PREPL: variants seen among roughly 807,000 people sequenced by gnomAD.
PREPL encodes prolyl endopeptidase like, also known as prolyl endopeptidase-like.
Under a neutral mutation model 70.6 loss-of-function variants are expected in PREPL, and 77 were observed. The observed-to-expected ratio is 1.09, with a 90% CI of 0.91 to 1.32. The LOEUF is 1.32. Among genes scored for constraint, PREPL ranks in the 40% most tolerant of loss-of-function variants. The probability of loss-of-function intolerance (pLI) is 0.00; values close to 1 mark genes in which losing one functional copy is unlikely to be tolerated. For synonymous variants in PREPL, 315 were observed against 264.8 expected (o/e 1.19, Z -1.84); for missense variants, 1,002 against 778.2 (o/e 1.29, Z -3.42).
intron 9 of PREPL, among the ~76,000 whole-genome samples, chr2:44,328,416 G>A (rs112512570): frequency 0.059 from 4,488 of 76,066 alleles, 244 homozygotes; most frequent in African/African-American, 0.18. Flanking sequence ...CAGCCTGGGC[G>A]ACAAAGCAAA....
At chr2:44,336,484 T>C (rs567446461) in intron 7 of PREPL, among the ~76,000 whole-genome samples, 8 of 152,134 alleles carry the variant, frequency 5.3e-5, no homozygotes, top group South Asian at 2.1e-4. Context: ...GAGCTAAACA[T>C]TGTGTCCACA....
intron 7 of PREPL, 56 bp downstream of exon 7, chr2:44,338,295 G>T (rs1022783229): frequency 6.2e-6 from 9 of 1,456,674 alleles, no homozygotes; most frequent in Non-Finnish European, 8.4e-6. Flanking sequence ...GTTCTGTTAA[G>T]CTAAACTGCA....
chr2:44,351,924 C>A (rs1676482778), intron 1 of PREPL, among the ~76,000 whole-genome samples: 2 of 152,204 alleles, frequency 1.3e-5, no homozygotes. Flanking sequence ...TTACAATGGT[C>A]TACAAAGTCC....
upstream of PREPL, chr2:44,361,706 C>A: frequency 2.7e-6 from 1 of 364,234 alleles, no homozygotes; most frequent in Non-Finnish European, 4.9e-6. Context: ...CGAGATGAAG[C>A]ACAGAAGGCT....
At chr2:44,323,205 T>C (rs2103693360) in intron 11 of PREPL, 57 bp downstream of exon 11, 1 of 1,473,278 alleles carries the variant, frequency 6.8e-7, no homozygotes, top group East Asian at 2.3e-5. Context: ...GATAAGTTTT[T>C]TTTTTATTAT....
chr2:44,361,827 G>T, upstream of PREPL: 1 of 1,198,556 alleles, frequency 8.3e-7, no homozygotes, highest in Non-Finnish European at 1.1e-6. Flanking sequence ...GTGACAGCTC[G>T]GCCCTGGTTG....
chr2:44,342,981 A>C (rs1675394493), intron 4 of PREPL, among the ~76,000 whole-genome samples: 2 of 152,184 alleles, frequency 1.3e-5, no homozygotes, highest in Non-Finnish European at 2.9e-5. Flanking sequence ...CAACTACCAA[A>C]CACAATTTAA....
At chr2:44,345,483 C>T (rs1424630942) in intron 2 of PREPL, among the ~76,000 whole-genome samples, 1 of 152,010 alleles carries the variant, frequency 6.6e-6, no homozygotes, top group Non-Finnish European at 1.5e-5. Context: ...TCCTGAGTGG[C>T]TGGGACTACA....
intron 13 of PREPL, 89 bp from the exon 14 acceptor site, chr2:44,321,534 C>A: frequency 6.5e-7 from 1 of 1,539,214 alleles, no homozygotes; most frequent in Non-Finnish European, 8.8e-7. Flanking sequence ...CCATCTTTAC[C>A]TAACCGTGAA....
chr2:44,357,586 T>A (rs1362337713), intron 1 of PREPL, among the ~76,000 whole-genome samples: 1 of 152,182 alleles, frequency 6.6e-6, no homozygotes, highest in Non-Finnish European at 1.5e-5. Flanking sequence ...AGTTTCCAGG[T>A]AGTGGGAATC....
rs548203537 is a variant in PREPL at position 44,343,539 on chromosome 2, CAT to C, written c.349+204_349+205del. ...ACTCTAATTATAACACTTTTAAAAACATGAGTATTTTAAAATTACCCATCTAG... is the reference window on the plus strand; with the variant it reads ...ACTCTAATTATAACACTTTTAAAAACGAGTATTTTAAAATTACCCATCTAG... On this transcript the variant is annotated intron_variant, in intron 4 of 13. Transcript: ENST00000409411. Among the ~76,000 whole-genome samples, 209 of 152,174 alleles carry C rather than the reference CAT, an allele frequency of 1.4e-3. 3 individuals carry two copies. Among genetic ancestry groups the C allele is most frequent in the African/African-American group, 4.8e-3 (198 of 41,516 alleles).
intron 5 of PREPL, among the ~76,000 whole-genome samples, chr2:44,340,945 A>AG (rs1675155620): frequency 6.6e-6 from 1 of 150,982 alleles, no homozygotes; most frequent in Non-Finnish European, 1.5e-5. Flanking sequence ...AAAAAAAAAA[A>AG]TTAAGAACAT....
chr2:44,359,846 C>A, intron 1 of PREPL: 1 of 631,686 alleles, frequency 1.6e-6, no homozygotes, highest in Non-Finnish European at 2.8e-6. Flanking sequence ...TTTTCAGGGC[C>A]ATGCCCCACT....
chr2:44,358,228 G>A (rs1486576990), intron 1 of PREPL, among the ~76,000 whole-genome samples: 1 of 152,120 alleles, frequency 6.6e-6, no homozygotes, highest in Non-Finnish European at 1.5e-5. Context: ...ACTATAAAAA[G>A]AAATGAAGTT....
rs1195160241 is a variant in PREPL at position 44,342,403 on chromosome 2, T to G, written c.485+14A>C. ...GGTTCTGGAGAGAAAGATTTAATTA[T>G]ATTATTCTAGTACCTTGGGTCTTTT... On this transcript the variant is annotated intron_variant, in intron 5 of 13. Transcript: ENST00000409411. The G allele has an allele frequency of 5.7e-6, 9 of 1,592,532 alleles. No homozygotes were observed. The highest frequency in any genetic ancestry group is 7.7e-6 in the Non-Finnish European group (9 of 1,168,382).
At chr2:44,324,587 C>T (rs1370013593) in intron 10 of PREPL, among the ~76,000 whole-genome samples, 1 of 152,070 alleles carries the variant, frequency 6.6e-6, no homozygotes, top group African/African-American at 2.4e-5. Context: ...TTTAATAAAA[C>T]GAAGGCTGGG....
In PREPL at chr2:44,353,858, T is replaced by G. The variant is rs187667098; in HGVS notation, c.-48-7468A>C. Among the ~76,000 whole-genome samples the G allele has an allele frequency of 2.2e-3, 338 of 151,596 alleles. 5 individuals are homozygous for G. The highest frequency in any genetic ancestry group is 3.8e-4 in the Non-Finnish European group (26 of 67,858). The stretch of plus-strand genomic sequence containing the variant: ...CCAATCCCTTGCACTATAAACAAAA[T>G]GAACTCAAAATGGGTCATAGGGCTG... On this transcript the variant is annotated intron_variant, in intron 1 of 13. Transcript: ENST00000409411.
chr2:44,350,478 T>A (rs574767449), intron 1 of PREPL, among the ~76,000 whole-genome samples: 1 of 152,216 alleles, frequency 6.6e-6, no homozygotes, highest in African/African-American at 2.4e-5. Flanking sequence ...AGAAATATAC[T>A]AAATCTGTAA....
rs145088151 is a variant in PREPL at position 44,323,294 on chromosome 2, G to A, written c.1597C>T (p.Arg533Cys). 80 of 1,606,800 alleles carry A rather than the reference G, an allele frequency of 5.0e-5. 1 individual carries two copies. The South Asian group carries it at 5.4e-4, about 11-fold the overall frequency. Residue 533 changes from arginine (R) to cysteine (C), a missense_variant, in exon 11 of 14, where the codon CGT becomes TGT. Physicochemically the swap from Arg to Cys is radical, Grantham distance 180. Transcript: ENST00000409411. Reference sequence around the variant, plus strand: ...TTAATATTTTGATAGGGACAGTAACGTTTTATGTAGTTCTTGTGTTTTTCA... The same window carrying A: ...TTAATATTTTGATAGGGACAGTAACATTTTATGTAGTTCTTGTGTTTTTCA... ...SDEKHKNYIK[R>C]YCPYQNIKPQ...
Sources: gnomAD v4.1 joint callset for allele counts (sites outside exome capture counted in the v4.1 genomes callset) on GRCh38, gnomAD v4.1.1 for gene constraint, MANE v1.5 for transcripts, NCBI Gene and HGNC (gene_info 2026-07-23, HGNC 2026-07-21) for gene names.